The following NAV2 variants were observed in gnomAD, a reference collection of about 807,000 sequenced individuals.
The protein encoded by NAV2 is neuron navigator 2, also known as helicase, APC down-regulated 1.
NAV2 carries 54 observed loss-of-function variants against 223.2 expected under a neutral mutation model. The observed-to-expected ratio is 0.24, with a 90% CI of 0.19 to 0.30. The LOEUF (loss-of-function observed/expected upper bound fraction) is 0.30. Among genes scored for constraint, NAV2 ranks in the 10% least tolerant of loss-of-function variants. The probability of loss-of-function intolerance (pLI) is 1.00; values close to 1 mark genes in which losing one functional copy is unlikely to be tolerated. For synonymous variants in NAV2, 1,279 were observed against 1,239.3 expected (o/e 1.03, Z -0.67); for missense variants, 2,806 against 3,147.5 (o/e 0.89, Z 2.60).
chr11:19,937,453 A>G (rs1424806210), intron 7 of NAV2, among the ~76,000 whole-genome samples: 1 of 151,504 alleles, frequency 6.6e-6, no homozygotes, highest in African/African-American at 2.4e-5. Context: ...AATTATATTT[A>G]TCAATTCAGA....
chr11:19,577,772 C>G (rs2045609829), intron 1 of NAV2, among the ~76,000 whole-genome samples: 1 of 152,130 alleles, frequency 6.6e-6, no homozygotes, highest in South Asian at 2.1e-4. Flanking sequence ...AGCCATGGAC[C>G]AGGCCCCACT....
intron 26 of NAV2, among the ~76,000 whole-genome samples, chr11:20,089,283 G>A (rs897185063): frequency 1.3e-5 from 2 of 152,134 alleles, no homozygotes; most frequent in Non-Finnish European, 2.9e-5. Flanking sequence ...GTTTTACCGT[G>A]TCTCTCAAAT....
intron 34 of NAV2, chr11:20,104,645 A>G (rs2061891017): frequency 6.6e-6 from 1 of 152,256 alleles, no homozygotes; most frequent in Non-Finnish European, 1.5e-5. Context: ...CACCATTGCC[A>G]TCACCTAGCT....
chr11:20,097,503 C>T, intron 30 of NAV2, 74 bp from the exon 31 acceptor site: 1 of 1,191,678 alleles, frequency 8.4e-7, no homozygotes, highest in Non-Finnish European at 1.2e-6. Flanking sequence ...TCATAAATCA[C>T]CCAGGGAAAA....
chr11:19,901,536 GAA>G (rs1328739140), intron 6 of NAV2, among the ~76,000 whole-genome samples: 1 of 152,180 alleles, frequency 6.6e-6, no homozygotes, highest in African/African-American at 2.4e-5. Flanking sequence ...AACAGAGCGA[GAA>G]AAGAGAACAC....
Position 20,119,430 on chromosome 11 carries a change from T to G in NAV2, c.*1172T>G, listed in dbSNP as rs1452032626. 1.3e-5 allele frequency: 2 copies of G among 152,596 alleles called. No individual in the cohort carries two copies. The highest frequency in any genetic ancestry group is 4.8e-5 in the African/African-American group (2 of 41,398). 9.5% of individuals were successfully genotyped at this position (152,596 alleles called of 1,614,324 possible). ...GCCTTCCCTTCTCGTCCTTGAGGGT[T>G]TAGAACACACACCAACACCTCCAGC... On this transcript the variant is annotated 3_prime_UTR_variant, in exon 38 of 38. Coordinates refer to ENST00000349880, the MANE Select transcript of NAV2 (RefSeq NM_145117.5).
At position 19,933,691 on chromosome 11, in the gene NAV2, A is replaced by T; in HGVS notation, c.1447A>T (p.Lys483Ter). 1 of 1,614,212 alleles carries T rather than the reference A, an allele frequency of 6.2e-7. No homozygotes were observed. Among genetic ancestry groups the T allele is most frequent in the Non-Finnish European group, 8.5e-7 (1 of 1,180,038 alleles). Residue 483 changes from lysine to a stop codon, truncating the protein, a stop_gained, in exon 7 of 38, where the codon AAA (lysine) becomes TAA (stop). Coordinates refer to ENST00000349880, the MANE Select transcript of NAV2 (RefSeq NM_145117.5). LOFTEE classifies it high-confidence loss of function. This position sits in a 1 kb window ranked among gnomAD's most constrained non-coding sequence, Gnocchi z 4.3. ...ACTGACCAACAAGAAGAGTTCTCTGAAAGGCAATGAGAAAGAGAAGGAGAA... is the reference window on the plus strand; with the variant it reads ...ACTGACCAACAAGAAGAGTTCTCTGTAAGGCAATGAGAAAGAGAAGGAGAA... ...RALTNKKSSL[K>*]GNEKEKEKQQ... is the part of the protein sequence containing the mutation.
chr11:19,693,733 T>G (rs558835749), intron 1 of NAV2, among the ~76,000 whole-genome samples: 151 of 152,278 alleles, frequency 9.9e-4, no homozygotes, highest in African/African-American at 3.5e-3. Context: ...CTCAGCCTAG[T>G]AGAGCCCACA....
rs191846981 is a variant in NAV2 at position 19,685,293 on chromosome 11, C to T, written c.76-147191C>T. Among the ~76,000 whole-genome samples the T allele has an allele frequency of 2.8e-4, 43 of 152,242 alleles. No individual in the cohort carries two copies. The East Asian group carries it at 7.3e-3, about 26-fold the overall frequency. ...GAGTTTTCCTCTCATTTCAAAATGC[C>T]CATGATATCATCCATCAGTGGGGAG... On this transcript the variant is annotated intron_variant, in intron 1 of 37. Coordinates refer to the NAV2 transcript ENST00000360655.
chr11:19,788,062 T>C (rs1394348109), intron 1 of NAV2, among the ~76,000 whole-genome samples: 2 of 152,202 alleles, frequency 1.3e-5, no homozygotes, highest in East Asian at 3.9e-4. Flanking sequence ...GTCCCAGATG[T>C]AGAGCTAAGT....
At chr11:19,974,334 G>T (rs747375217) in intron 10 of NAV2, among the ~76,000 whole-genome samples, 17 of 152,196 alleles carry the variant, frequency 1.1e-4, no homozygotes, top group Admixed American at 2.6e-4. Flanking sequence ...TAAGGTGGTG[G>T]AATTATATTC....
intron 22 of NAV2, among the ~76,000 whole-genome samples, chr11:20,071,325 T>G (rs1591979830): frequency 6.6e-6 from 1 of 152,142 alleles, no homozygotes; most frequent in Admixed American, 6.5e-5. Flanking sequence ...AATTCCATGG[T>G]GTATATGTGC....
At chr11:19,565,651 CT>C (rs1319037276) in intron 1 of NAV2, among the ~76,000 whole-genome samples, 1 of 152,034 alleles carries the variant, frequency 6.6e-6, no homozygotes, top group Non-Finnish European at 1.5e-5. Context: ...GACAGCCCGC[CT>C]TTTTTTTCCA....
chr11:19,794,954 G>A (rs570376888), intron 1 of NAV2, among the ~76,000 whole-genome samples: 11 of 152,212 alleles, frequency 7.2e-5, no homozygotes, highest in African/African-American at 2.2e-4. Context: ...GACAATCATC[G>A]AAATTAATGA....
intron 1 of NAV2, among the ~76,000 whole-genome samples, chr11:19,658,264 A>G (rs1332184598): frequency 2.6e-5 from 4 of 152,172 alleles, no homozygotes; most frequent in African/African-American, 9.7e-5. Context: ...CATTGGAGTC[A>G]GGCTGCCTGA....
Position 20,077,651 on chromosome 11 carries a change from T to C in NAV2, c.5067+16T>C. ...TGAGCAGAAGGTAAGGCAGAAAGGATACTTTAACCCTCCCTACTTGGAGTT... is the reference window on the plus strand; with the variant it reads ...TGAGCAGAAGGTAAGGCAGAAAGGACACTTTAACCCTCCCTACTTGGAGTT... On this transcript the variant is annotated intron_variant, in intron 23 of 37. Coordinates refer to ENST00000349880, the MANE Select transcript of NAV2 (RefSeq NM_145117.5). 6.3e-7 allele frequency: 1 copy of C among 1,598,346 alleles called. No individual in the cohort carries two copies. Among genetic ancestry groups the C allele is most frequent in the Non-Finnish European group, 8.6e-7 (1 of 1,165,680 alleles).
intron 1 of NAV2, among the ~76,000 whole-genome samples, chr11:19,543,058 T>C (rs1480387476): frequency 6.6e-6 from 1 of 152,222 alleles, no homozygotes; most frequent in Non-Finnish European, 1.5e-5. Flanking sequence ...CTTTTCCAAA[T>C]TCTGAGATTC....
intron 1 of NAV2, among the ~76,000 whole-genome samples, chr11:19,699,948 C>T (rs1398651829): frequency 1.3e-5 from 2 of 152,180 alleles, no homozygotes; most frequent in Admixed American, 6.5e-5. Context: ...GGAGGATCCC[C>T]GTGAGCCAGA....
At chr11:19,348,189 C>G (rs902504400), upstream of NAV2, among the ~76,000 whole-genome samples, 1 of 152,138 alleles carries the variant, frequency 6.6e-6, no homozygotes, top group Non-Finnish European at 1.5e-5. Flanking sequence ...GGGTCTCACC[C>G]GGGAGGGAGC....
Sources: allele counts gnomAD v4.1 joint callset (sites outside exome capture counted in the v4.1 genomes callset), GRCh38; gene constraint gnomAD v4.1.1; non-coding constraint Gnocchi (gnomAD v3.1); transcripts MANE v1.5; gene names NCBI Gene and HGNC (gene_info 2026-07-23, HGNC 2026-07-21).